The following C10orf67 variants were observed in gnomAD, a reference collection of about 807,000 sequenced individuals.
C10orf67 encodes uncharacterized protein C10orf67, mitochondrial.
In C10orf67, 60 loss-of-function variants were observed where a neutral mutation model predicts 35.6. That is an observed-to-expected ratio of 1.68 (90% CI 1.37 to 2.09). The LOEUF (loss-of-function observed/expected upper bound fraction) is 2.09, where lower values mean the gene tolerates loss of function less well. Ranked by LOEUF, C10orf67 falls within the 30% of genes most tolerant of loss-of-function variation. The pLI is 0.00. For synonymous variants in C10orf67, 167 were observed against 115.8 expected, an observed-to-expected ratio of 1.44 and a Z score of -2.84; for missense variants, 474 against 330.2, an observed-to-expected ratio of 1.44 and a Z score of -3.38.
intron 13 of C10orf67, among the ~76,000 whole-genome samples, chr10:23,229,093 C>T (rs897419103): frequency 5.3e-5 from 8 of 152,022 alleles, no homozygotes; most frequent in Admixed American, 2.0e-4. Flanking sequence ...GCTATATACC[C>T]AAATGATTAT....
At chr10:23,340,289 G>C in intron 1 of C10orf67, among the ~76,000 whole-genome samples, 1 of 149,006 alleles carries the variant, frequency 6.7e-6, no homozygotes, top group Middle Eastern at 3.5e-3. Flanking sequence ...CAGACTGCTT[G>C]AGCTTAGGAG....
intron 15 of C10orf67, among the ~76,000 whole-genome samples, chr10:23,219,645 T>C (rs956820576): frequency 2.6e-5 from 4 of 152,246 alleles, no homozygotes; most frequent in African/African-American, 7.2e-5. Flanking sequence ...AAACTTTCTA[T>C]GTTGCATGCA....
Position 23,331,220 on chromosome 10 carries a change from G to A in C10orf67, c.327+1842C>T, listed in dbSNP as rs1370064338. ...GAAGGGAAGGGAAGAGGGAAGGGAA[G>A]GGAAGGGAGGAGGGAAGGGAAGGGA... is the stretch of plus-strand genomic sequence containing the variant. On this transcript the variant is annotated intron_variant, in intron 2 of 15. Transcript: ENST00000636213. 4.9e-4 allele frequency among the ~76,000 whole-genome samples: 14 copies of A among 28,590 alleles called. 1 individual carries two copies. The highest frequency in any genetic ancestry group is 5.6e-4 in the Non-Finnish European group (10 of 17,776). 18.8% of individuals were successfully genotyped at this position (28,590 alleles called of 152,430 possible).
chr10:23,295,637 G>T (rs1306172505), intron 5 of C10orf67, among the ~76,000 whole-genome samples: 1 of 151,188 alleles, frequency 6.6e-6, no homozygotes, highest in East Asian at 2.0e-4. Flanking sequence ...GGAAATAAAT[G>T]GATCAAAATT....
chr10:23,234,549 G>A (rs1408846303), intron 13 of C10orf67, among the ~76,000 whole-genome samples: 1 of 152,134 alleles, frequency 6.6e-6, no homozygotes, highest in Non-Finnish European at 1.5e-5. Flanking sequence ...GGAGGAGGAA[G>A]AAGATCAGGA....
intron 13 of C10orf67, among the ~76,000 whole-genome samples, chr10:23,229,348 C>T (rs564623196): frequency 7.4e-5 from 11 of 147,966 alleles, no homozygotes; most frequent in Non-Finnish European, 8.9e-5. Flanking sequence ...AAACCAAACA[C>T]CGCATGTTCT....
chr10:23,300,375 G>A (rs1328565301), intron 5 of C10orf67, among the ~76,000 whole-genome samples: 2 of 152,114 alleles, frequency 1.3e-5, no homozygotes, highest in African/African-American at 4.8e-5. Flanking sequence ...TAAAGCGGTG[G>A]CCTTTTTTTA....
At chr10:23,314,109 G>A (rs939091152) in intron 4 of C10orf67, among the ~76,000 whole-genome samples, 1 of 152,118 alleles carries the variant, frequency 6.6e-6, no homozygotes, top group Admixed American at 6.5e-5. Context: ...GGTTGCTTGA[G>A]CCCGGGAGGC....
intron 15 of C10orf67, among the ~76,000 whole-genome samples, chr10:23,220,575 C>G (rs960029762): frequency 7.2e-5 from 11 of 152,092 alleles, no homozygotes; most frequent in African/African-American, 2.7e-4. Flanking sequence ...AATCTTGGGG[C>G]AGGTGAAAAT....
chr10:23,332,207 C>G lies in C10orf67; in HGVS notation c.327+855G>C, dbSNP rs111309538. Among the ~76,000 whole-genome samples, 176 of 152,266 alleles carry G rather than the reference C, an allele frequency of 1.2e-3. 1 individual carries two copies. The highest frequency in any genetic ancestry group is 4.2e-3 in the African/African-American group (173 of 41,538). ...GATGCACATTTTGTGATGTAATGTA[C>G]TTGTGAAATAAATGAGGAAACTCTA... On this transcript the variant is annotated intron_variant, in intron 2 of 15. Coordinates refer to ENST00000636213, the MANE Select transcript of C10orf67 (RefSeq NM_001371909.1).
intron 12 of C10orf67, among the ~76,000 whole-genome samples, chr10:23,240,814 C>T (rs1842160592): frequency 6.6e-6 from 1 of 152,128 alleles, no homozygotes; most frequent in African/African-American, 2.4e-5. Context: ...GAAGGAGCCT[C>T]CCATCTAATG....
intron 12 of C10orf67, among the ~76,000 whole-genome samples, chr10:23,241,076 A>C (rs918633091): frequency 6.6e-6 from 1 of 152,240 alleles, no homozygotes; most frequent in African/African-American, 2.4e-5. Flanking sequence ...ACCTTGAGTC[A>C]CAGAGAATTA....
intron 7 of C10orf67, among the ~76,000 whole-genome samples, chr10:23,288,631 G>A (rs1271600130): frequency 6.6e-6 from 1 of 152,090 alleles, no homozygotes; most frequent in Non-Finnish European, 1.5e-5. Flanking sequence ...ATTAAAAAAA[G>A]AATATCTTGA....
chr10:23,330,242 G>A (rs1050181839), intron 2 of C10orf67, among the ~76,000 whole-genome samples: 5 of 152,148 alleles, frequency 3.3e-5, no homozygotes, highest in African/African-American at 9.7e-5. Context: ...AGGATCACTC[G>A]AGGCCAGGGA....
chr10:23,243,841 A>G (rs1842245939), intron 12 of C10orf67, among the ~76,000 whole-genome samples: 1 of 152,190 alleles, frequency 6.6e-6, no homozygotes, highest in South Asian at 2.1e-4. Flanking sequence ...AGAGAATTAA[A>G]CTAGAACTAT....
intron 15 of C10orf67, among the ~76,000 whole-genome samples, chr10:23,209,354 A>G (rs1190510628): frequency 6.6e-6 from 1 of 152,058 alleles, no homozygotes; most frequent in Non-Finnish European, 1.5e-5. Context: ...GAGGAGGAGA[A>G]CCAGGACAGG....
chr10:23,339,320 T>A (rs931287682), intron 1 of C10orf67, among the ~76,000 whole-genome samples: 9 of 149,730 alleles, frequency 6.0e-5, no homozygotes, highest in African/African-American at 2.0e-4. Flanking sequence ...CAAGGAGAAC[T>A]CTGTCTGGAA....
At chr10:23,217,813 T>C in intron 15 of C10orf67, among the ~76,000 whole-genome samples, 1 of 152,308 alleles carries the variant, frequency 6.6e-6, no homozygotes, top group Non-Finnish European at 1.5e-5. Flanking sequence ...AATAAGACAG[T>C]CCATCAAATT....
At chr10:23,319,029 AG>A (rs1237819858) in intron 4 of C10orf67, 3 of 700,070 alleles carry the variant, frequency 4.3e-6, no homozygotes, top group Admixed American at 2.0e-5. Flanking sequence ...TTAGGTTCAG[AG>A]GGTACATGTA....
Sources: gnomAD v4.1 joint callset for allele counts (sites outside exome capture counted in the v4.1 genomes callset) on GRCh38, gnomAD v4.1.1 for gene constraint, MANE v1.5 for transcripts, NCBI Gene and HGNC (gene_info 2026-07-23, HGNC 2026-07-21) for gene names.